DOCK1: variants seen among roughly 807,000 people sequenced by gnomAD.
DOCK1 encodes dedicator of cytokinesis protein 1.
In DOCK1, 138 loss-of-function variants were observed where a neutral mutation model predicts 262.7. That is an observed-to-expected ratio of 0.53 (90% CI 0.46 to 0.61). DOCK1 has a LOEUF of 0.61. DOCK1 is among the 20% of genes least tolerant of loss of function. The pLI is 0.00. For synonymous variants in DOCK1, 866 were observed against 867.4 expected, an observed-to-expected ratio of 1.00 and a Z score of 0.03; for missense variants, 1,908 against 2,370.7, an observed-to-expected ratio of 0.80 and a Z score of 4.05.
At chr10:126,915,203 T>C (rs1564979720) in intron 1 of DOCK1, among the ~76,000 whole-genome samples, 1 of 152,304 alleles carries the variant, frequency 6.6e-6, no homozygotes, top group East Asian at 1.9e-4. Context: ...TTCATTGGCG[T>C]TGAGCATAGA....
chr10:127,203,130 G>A (rs1289738108), intron 27 of DOCK1, among the ~76,000 whole-genome samples: 3 of 152,134 alleles, frequency 2.0e-5, no homozygotes, highest in South Asian at 2.1e-4. Context: ...ATATTCTCAC[G>A]TTTTCTTCGT....
At chr10:127,315,125 G>T (rs922309222) in intron 29 of DOCK1, among the ~76,000 whole-genome samples, 2 of 152,200 alleles carry the variant, frequency 1.3e-5, no homozygotes, top group African/African-American at 4.8e-5. Flanking sequence ...TGTCAGTGAG[G>T]TTATGCACTT....
chr10:127,011,780 A>C (rs1428269555), intron 11 of DOCK1, among the ~76,000 whole-genome samples: 2 of 151,384 alleles, frequency 1.3e-5, no homozygotes, highest in Non-Finnish European at 2.9e-5. Flanking sequence ...GTTAGGTTCC[A>C]GGGATTTTTT....
At chr10:126,920,238 A>G (rs1209480314) in intron 1 of DOCK1, among the ~76,000 whole-genome samples, 1 of 152,204 alleles carries the variant, frequency 6.6e-6, no homozygotes, top group Non-Finnish European at 1.5e-5. Context: ...AAGTTCTAGA[A>G]TTTCCCCCAT....
intron 30 of DOCK1, among the ~76,000 whole-genome samples, chr10:127,341,125 C>T (rs1193596810): frequency 6.6e-6 from 1 of 152,022 alleles, no homozygotes; most frequent in East Asian, 1.9e-4. Context: ...GTGTTTAATC[C>T]ATTTGGGATT....
In DOCK1 at chr10:127,117,977, C is replaced by T. The variant is rs1045170648; in HGVS notation, c.2624-7497C>T. ...ATAAACTCCTCCCTGGGTGCACAGT[C>T]CTTCCGCTAAGATGAACTGCAACAC... On this transcript the variant is annotated intron_variant, in intron 25 of 51. Transcript: ENST00000623213. Among the ~76,000 whole-genome samples the T allele has an allele frequency of 5.3e-5, 8 of 152,150 alleles. 1 individual carries two copies. In the South Asian group the frequency reaches 1.7e-3, roughly 32 times the overall value.
chr10:127,235,384 A>G (rs1276025951), intron 27 of DOCK1, among the ~76,000 whole-genome samples: 4 of 152,094 alleles, frequency 2.6e-5, no homozygotes, highest in Non-Finnish European at 4.4e-5. Context: ...GGATTCATAC[A>G]GTGTCTAGCC....
rs936262260 is a variant in DOCK1, at chr10:126,931,779, G to A, written c.46+26216G>A. ...AGGAACCAATGTGTCTTCATCTATC[G>A]ACTGAGGATATGCGTGGCCCCTGCT... On this transcript the variant is annotated intron_variant, in intron 1 of 51. Coordinates refer to ENST00000623213, the MANE Select transcript of DOCK1 (RefSeq NM_001290223.2). 3.9e-5 allele frequency among the ~76,000 whole-genome samples: 6 copies of A among 152,086 alleles called. No individual in the cohort carries two copies. In the East Asian group the frequency reaches 1.2e-3, roughly 29 times the overall value.
At chr10:127,271,766 C>G (rs2060577281) in intron 29 of DOCK1, among the ~76,000 whole-genome samples, 2 of 152,132 alleles carry the variant, frequency 1.3e-5, no homozygotes. Flanking sequence ...AGGAAATGTT[C>G]TAGGAACAAA....
intron 24 of DOCK1, among the ~76,000 whole-genome samples, chr10:127,109,222 G>C (rs1161058561): frequency 1.3e-5 from 2 of 152,080 alleles, no homozygotes; most frequent in Admixed American, 6.6e-5. Flanking sequence ...AATATTGCTG[G>C]TACTGGGAAT....
At chr10:127,310,935 G>A (rs1426537872) in intron 29 of DOCK1, among the ~76,000 whole-genome samples, 1 of 152,190 alleles carries the variant, frequency 6.6e-6, no homozygotes, top group East Asian at 1.9e-4. Context: ...TGAGTGTGAT[G>A]CAGGCAGGCT....
chr10:127,302,012 C>A (rs1021790071), intron 29 of DOCK1, among the ~76,000 whole-genome samples: 1 of 151,792 alleles, frequency 6.6e-6, no homozygotes, highest in Non-Finnish European at 1.5e-5. Flanking sequence ...TTTGTGTGTG[C>A]CTTCCCTTTT....
chr10:127,356,717 G>A (rs548750740), intron 32 of DOCK1, among the ~76,000 whole-genome samples: 4 of 152,188 alleles, frequency 2.6e-5, no homozygotes, highest in East Asian at 1.9e-4. Context: ...AGGCACCAAC[G>A]TTCATGAAGG....
In DOCK1 at chr10:127,393,249, G is replaced by A. The variant is rs188389502; in HGVS notation, c.3927+8340G>A. 1.5e-3 allele frequency among the ~76,000 whole-genome samples: 226 copies of A among 152,288 alleles called. 1 individual carries two copies. Among genetic ancestry groups the A allele is most frequent in the African/African-American group, 4.4e-3 (182 of 41,580 alleles). On this transcript the variant is annotated intron_variant, in intron 38 of 51. Transcript: ENST00000623213. ...TTAAGCTTGGAGACCAGTGATTACC[G>A]GGGCTTGCAAGATGATAAAATGGAA...
intron 23 of DOCK1, among the ~76,000 whole-genome samples, chr10:127,065,868 TAAAAG>T (rs1423426178): frequency 5.3e-5 from 8 of 150,004 alleles, no homozygotes; most frequent in African/African-American, 2.0e-4. Flanking sequence ...AAAAAAATGA[TAAAAG>T]AAAAGACCTG....
At chr10:127,028,791 C>T (rs2043049039) in intron 16 of DOCK1, among the ~76,000 whole-genome samples, 1 of 152,118 alleles carries the variant, frequency 6.6e-6, no homozygotes, top group African/African-American at 2.4e-5. Context: ...GCGGAGGGTG[C>T]TGGTGGAATG....
intron 18 of DOCK1, among the ~76,000 whole-genome samples, chr10:127,036,003 AAAATAAAT>A (rs3070212): frequency 0.049 from 6,867 of 139,064 alleles, 217 homozygotes; most frequent in Non-Finnish European, 0.07. Flanking sequence ...CCCTGTCTCA[AAAATAAAT>A]AAATAAATAA....
chr10:127,303,168 G>A (rs1330475958), intron 29 of DOCK1, among the ~76,000 whole-genome samples: 3 of 152,176 alleles, frequency 2.0e-5, no homozygotes, highest in Non-Finnish European at 4.4e-5. Context: ...CAAAACTTGG[G>A]ATTTATAGCC....
At chr10:126,937,968 T>G (rs2034667786) in intron 1 of DOCK1, among the ~76,000 whole-genome samples, 1 of 152,200 alleles carries the variant, frequency 6.6e-6, no homozygotes, top group South Asian at 2.1e-4. Flanking sequence ...GCTAAGAGTT[T>G]TACAGTTTTA....
Sources: allele counts gnomAD v4.1 joint callset (sites outside exome capture counted in the v4.1 genomes callset), GRCh38; gene constraint gnomAD v4.1.1; transcripts MANE v1.5; gene names NCBI Gene and HGNC (gene_info 2026-07-23, HGNC 2026-07-21).